The following PAK1 variants were observed in gnomAD, a reference collection of about 807,000 sequenced individuals.
PAK1 encodes the protein serine/threonine-protein kinase PAK 1.
PAK1 carries 29 observed loss-of-function variants against 67.4 expected under a neutral mutation model. The observed-to-expected ratio is 0.43, with a 90% CI of 0.32 to 0.59. The LOEUF (loss-of-function observed/expected upper bound fraction) is 0.59, where lower values mean the gene tolerates loss of function less well. PAK1 is among the 20% of genes least tolerant of loss of function. The pLI, the probability that PAK1 is intolerant of heterozygous loss-of-function variation, is 0.07. For synonymous variants in PAK1, 223 were observed against 237.4 expected (o/e 0.94, Z 0.56); for missense variants, 337 against 670.7 (o/e 0.50, Z 5.50).
chr11:77,324,854 T>C (rs1418828891), intron 14 of PAK1, among the ~76,000 whole-genome samples: 3 of 152,016 alleles, frequency 2.0e-5, no homozygotes, highest in Admixed American at 6.6e-5. Flanking sequence ...TTGCTGAGAA[T>C]TGCTGCAACT....
intron 1 of PAK1, among the ~76,000 whole-genome samples, chr11:77,402,277 G>A (rs1418842317): frequency 6.6e-6 from 1 of 152,092 alleles, no homozygotes; most frequent in African/African-American, 2.4e-5. Flanking sequence ...AAGTGGAAAC[G>A]GCAGAGAAAT....
intron 1 of PAK1, among the ~76,000 whole-genome samples, chr11:77,435,520 G>T (rs1956082857): frequency 6.7e-6 from 1 of 148,638 alleles, no homozygotes; most frequent in South Asian, 2.1e-4. Flanking sequence ...TTGAGACGGA[G>T]TCTCACTCTG....
At chr11:77,468,628 CAT>C (rs1354546312) in intron 1 of PAK1, among the ~76,000 whole-genome samples, 3 of 152,122 alleles carry the variant, frequency 2.0e-5, no homozygotes, top group African/African-American at 4.8e-5. Context: ...GACCATCTGA[CAT>C]AGAGTTTTAT....
the PAK1 span, among the ~76,000 whole-genome samples, chr11:77,505,980 G>C: frequency 1.3e-5 from 2 of 152,284 alleles, no homozygotes; most frequent in South Asian, 2.1e-4. Flanking sequence ...GGAGGAAAAA[G>C]GTGGCAAGGG....
chr11:77,396,900 T>C (rs1313631743), intron 1 of PAK1: 1 of 152,226 alleles, frequency 6.6e-6, no homozygotes, highest in Non-Finnish European at 1.5e-5. Context: ...ATGGTCATTT[T>C]GTATATCTAC....
chr11:77,407,441 T>C (rs1020035804), intron 1 of PAK1, among the ~76,000 whole-genome samples: 6 of 152,182 alleles, frequency 3.9e-5, no homozygotes, highest in African/African-American at 1.4e-4. Flanking sequence ...AAGGGTCTAG[T>C]AAATCTTGGT....
the PAK1 span, among the ~76,000 whole-genome samples, chr11:77,500,402 G>T: frequency 6.6e-6 from 1 of 152,102 alleles, no homozygotes; most frequent in Non-Finnish European, 1.5e-5. Flanking sequence ...AGGCAGCGAA[G>T]GTTGCAGTGA....
At chr11:77,355,902 C>G in intron 6 of PAK1, 60 bp from the exon 7 acceptor site, 6 of 1,075,500 alleles carry the variant, frequency 5.6e-6, no homozygotes, top group South Asian at 2.7e-5. Flanking sequence ...GGGAACCTCT[C>G]CTAGATGTGA....
chr11:77,365,861 A>G (rs1217772246), intron 5 of PAK1, among the ~76,000 whole-genome samples: 4 of 151,244 alleles, frequency 2.6e-5, no homozygotes, highest in Admixed American at 2.6e-4. Context: ...AAAAAAAAAT[A>G]ACACCTAAAC....
intron 7 of PAK1, among the ~76,000 whole-genome samples, chr11:77,355,266 A>G (rs1008399910): frequency 6.6e-6 from 1 of 152,190 alleles, no homozygotes; most frequent in South Asian, 2.1e-4. Context: ...TCCTACAACC[A>G]AGATGGCAGA....
chr11:77,358,712 A>C, intron 6 of PAK1, 186 bp downstream of exon 6: 1 of 668,866 alleles, frequency 1.5e-6, no homozygotes, highest in East Asian at 2.5e-5. Flanking sequence ...TGATAAATAA[A>C]CACATGATTT....
chr11:77,449,454 A>G (rs756459160), intron 1 of PAK1, among the ~76,000 whole-genome samples: 4 of 151,954 alleles, frequency 2.6e-5, no homozygotes, highest in Non-Finnish European at 5.9e-5. Flanking sequence ...ACACATAGAG[A>G]AACTGAAGCC....
chr11:77,444,329 A>G (rs1305649089), intron 1 of PAK1, among the ~76,000 whole-genome samples: 1 of 151,320 alleles, frequency 6.6e-6, no homozygotes, highest in Admixed American at 6.6e-5. Flanking sequence ...TCCCATACCA[A>G]CCACCATCCC....
chr11:77,509,153 G>T, the PAK1 span, among the ~76,000 whole-genome samples: 1 of 151,836 alleles, frequency 6.6e-6, no homozygotes, highest in South Asian at 2.1e-4. Flanking sequence ...AGCTACTCGG[G>T]AGGCTGAGGC....
At position 77,470,334 on chromosome 11, in the gene PAK1, C is replaced by T. The variant is rs573668671; in HGVS notation, c.-22+3218G>A. Among the ~76,000 whole-genome samples, 11 of 152,294 alleles carry T rather than the reference C, an allele frequency of 7.2e-5. No homozygotes were observed. In the East Asian group the frequency reaches 7.7e-4, roughly 11 times the overall value. ...AAATAGAAAGGCAGCTTTCTCCCCC[C>T]CTTTATGATCATATACCACCTTTTT... On this transcript the variant is annotated intron_variant, in intron 1 of 14. Coordinates refer to ENST00000356341, the MANE Select transcript of PAK1 (RefSeq NM_002576.5).
At chr11:77,351,758 A>G (rs1420894107) in intron 8 of PAK1, among the ~76,000 whole-genome samples, 4 of 152,100 alleles carry the variant, frequency 2.6e-5, no homozygotes, top group African/African-American at 9.7e-5. Flanking sequence ...TAAAAAAAAA[A>G]AGAAAATTTC....
chr11:77,478,618 CA>C (rs56856301), upstream of PAK1, among the ~76,000 whole-genome samples: 289 of 142,926 alleles, frequency 2.0e-3, 2 homozygotes, highest in African/African-American at 4.6e-3. Flanking sequence ...TACTAAAATA[CA>C]AAAAAAAAAA....
chr11:77,481,453 G>T, the PAK1 span, among the ~76,000 whole-genome samples: 6 of 152,016 alleles, frequency 3.9e-5, no homozygotes, highest in Non-Finnish European at 8.8e-5. Context: ...GAGGCGGGCG[G>T]ATCACGAGGT....
intron 1 of PAK1, among the ~76,000 whole-genome samples, chr11:77,443,144 A>C (rs2138462429): frequency 1.3e-5 from 2 of 151,900 alleles, no homozygotes; most frequent in Non-Finnish European, 2.9e-5. Flanking sequence ...CCAACATGGT[A>C]AAACCCCGTC....
Sources: gnomAD v4.1 joint callset for allele counts (sites outside exome capture counted in the v4.1 genomes callset) on GRCh38, gnomAD v4.1.1 for gene constraint, MANE v1.5 for transcripts, NCBI Gene and HGNC (gene_info 2026-07-23, HGNC 2026-07-21) for gene names.